FAM167A: variants seen among roughly 807,000 people sequenced by gnomAD.
FAM167A encodes the protein family with sequence similarity 167 member A, also known as protein FAM167A.
A neutral mutation model predicts 14.9 loss-of-function variants in FAM167A; 23 were observed. The observed-to-expected ratio is 1.55, with a 90% CI of 1.11 to 2.19. The LOEUF (loss-of-function observed/expected upper bound fraction) is 2.19. FAM167A is among the 30% of genes most tolerant of loss of function. The pLI is 0.00. For synonymous variants in FAM167A, 174 were observed against 117.7 expected (o/e 1.48, Z -3.10); for missense variants, 401 against 281.5 (o/e 1.42, Z -3.04).
chr8:11,430,477 T>C (rs751833319), intron 2 of FAM167A, among the ~76,000 whole-genome samples: 1 of 152,182 alleles, frequency 6.6e-6, no homozygotes. Context: ...AAATTATACG[T>C]GATGATGGTT....
chr8:11,454,979 C>G (rs1251977279), intron 1 of FAM167A, among the ~76,000 whole-genome samples: 1 of 151,126 alleles, frequency 6.6e-6, no homozygotes, highest in South Asian at 2.1e-4. Flanking sequence ...GCTGTCTAGC[C>G]CTGGCGCTCA....
intron 1 of FAM167A, among the ~76,000 whole-genome samples, chr8:11,448,941 T>C (rs1400170711): frequency 6.6e-6 from 1 of 152,242 alleles, no homozygotes; most frequent in Admixed American, 6.5e-5. Flanking sequence ...GTGAGAGCTC[T>C]CTTTAAACTG....
At chr8:11,443,902 C>G in intron 2 of FAM167A, 129 bp downstream of exon 2, 1 of 1,195,242 alleles carries the variant, frequency 8.4e-7, no homozygotes, top group Non-Finnish European at 1.2e-6. Context: ...CAGATGTGCA[C>G]TTGGGGGTTA....
intron 1 of FAM167A, among the ~76,000 whole-genome samples, chr8:11,474,948 G>C (rs1797821089): frequency 6.6e-6 from 1 of 152,054 alleles, no homozygotes; most frequent in Non-Finnish European, 1.5e-5. Flanking sequence ...AAAAGGAAGG[G>C]AAGAGAGAAA....
chr8:11,462,808 C>A (rs539698415), intron 1 of FAM167A, among the ~76,000 whole-genome samples: 45 of 152,342 alleles, frequency 3.0e-4, no homozygotes, highest in Non-Finnish European at 5.3e-4. Context: ...CCAGAGGCAG[C>A]AGGGACAGGC....
At chr8:11,463,088 T>A in intron 1 of FAM167A, among the ~76,000 whole-genome samples, 1 of 152,070 alleles carries the variant, frequency 6.6e-6, no homozygotes, top group East Asian at 1.9e-4. Context: ...TTGTTTCAGG[T>A]AAATATTTGT....
intron 2 of FAM167A, chr8:11,434,181 C>T (rs751528670): frequency 1.3e-5 from 2 of 152,240 alleles, no homozygotes. Flanking sequence ...GAGTTTCTTT[C>T]CCAGAGGTCT....
At chr8:11,456,039 T>C (rs868334833) in intron 1 of FAM167A, among the ~76,000 whole-genome samples, 1,659 of 105,718 alleles carry the variant, frequency 0.016, 46 homozygotes, top group African/African-American at 0.058. Flanking sequence ...GGTATGAGTG[T>C]GAGTGTGGGG....
At chr8:11,471,688 G>A (rs1807965035), upstream of FAM167A, among the ~76,000 whole-genome samples, 1 of 152,182 alleles carries the variant, frequency 6.6e-6, no homozygotes, top group Non-Finnish European at 1.5e-5. Flanking sequence ...GGGTTTTAGA[G>A]AACCCTGCCC....
chr8:11,465,047 G>C (rs1807702335), intron 1 of FAM167A, among the ~76,000 whole-genome samples: 1 of 152,180 alleles, frequency 6.6e-6, no homozygotes, highest in Non-Finnish European at 1.5e-5. Flanking sequence ...GCAAGGAGGA[G>C]AACAGGGTGT....
intron 1 of FAM167A, among the ~76,000 whole-genome samples, chr8:11,449,611 T>TA (rs1473391060): frequency 6.6e-6 from 1 of 152,154 alleles, no homozygotes; most frequent in African/African-American, 2.4e-5. Flanking sequence ...AAAAACGACA[T>TA]CAGACCCTGT....
intron 2 of FAM167A, among the ~76,000 whole-genome samples, chr8:11,432,004 G>C (rs886151139): frequency 1.3e-5 from 2 of 151,886 alleles, no homozygotes; most frequent in Non-Finnish European, 2.9e-5. Context: ...CCTGGCAAAG[G>C]CTAGTCTAAC....
chr8:11,475,908 C>T (rs770571138), exon 1 of FAM167A, among the ~76,000 whole-genome samples: 1 of 152,190 alleles, frequency 6.6e-6, no homozygotes, highest in African/African-American at 2.4e-5. Flanking sequence ...CAGTAGACTA[C>T]GAGTCCTATG....
At chr8:11,435,991 G>C (rs899922259) in intron 2 of FAM167A, among the ~76,000 whole-genome samples, 4 of 152,134 alleles carry the variant, frequency 2.6e-5, no homozygotes. Context: ...CCAGCTCCTG[G>C]GTGCCGGGTC....
At position 11,424,304 on chromosome 8, in the gene FAM167A, T is replaced by C; in HGVS notation, c.*69A>G. ...GGAGACCCACTGGAGTAACTTGGCC[T>C]CAGCTTCCTCTGACACCCCTCCAGC... is the stretch of plus-strand genomic sequence containing the variant. On this transcript the variant is annotated 3_prime_UTR_variant, in exon 3 of 3. Coordinates refer to ENST00000284486, the MANE Select transcript of FAM167A (RefSeq NM_053279.3). The C allele has an allele frequency of 3.1e-6, 5 of 1,591,968 alleles. No individual in the cohort carries two copies. The highest frequency in any genetic ancestry group is 4.3e-6 in the Non-Finnish European group (5 of 1,167,136).
chr8:11,450,153 T>A (rs1484345502), intron 1 of FAM167A, among the ~76,000 whole-genome samples: 5 of 152,190 alleles, frequency 3.3e-5, no homozygotes, highest in Non-Finnish European at 7.3e-5. Context: ...CAAGCTTTCC[T>A]CCAGCCTGGA....
At chr8:11,448,935 G>A (rs4840560) in intron 1 of FAM167A, among the ~76,000 whole-genome samples, 74,563 of 152,084 alleles carry the variant, frequency 0.49, 18,700 homozygotes, top group East Asian at 0.66. Context: ...TGGTATGTGA[G>A]AGCTCTCTTT....
chr8:11,427,515 TTAGAAAAA>T (rs1292158671), intron 2 of FAM167A, among the ~76,000 whole-genome samples: 1 of 152,196 alleles, frequency 6.6e-6, no homozygotes, highest in Non-Finnish European at 1.5e-5. Flanking sequence ...GCCAAACTGA[TTAGAAAAA>T]TGAGCCCTGA....
chr8:11,444,756 A>G lies in FAM167A; in HGVS notation c.-345T>C. 1 of 1,038,892 alleles carries G rather than the reference A, an allele frequency of 9.6e-7. No individual in the cohort carries two copies. The highest frequency in any genetic ancestry group is 1.2e-6 in the Non-Finnish European group (1 of 864,760). 64.4% of individuals were successfully genotyped at this position (1,038,892 alleles called of 1,614,324 possible). On this transcript the variant is annotated 5_prime_UTR_variant, in exon 2 of 3. Transcript: ENST00000284486. Reference sequence around the variant, plus strand: ...GAACGCACTCGAAGACCAGACTGGCAGGAAGAAGGCCCAGAGCTCTCTCTT... The same window carrying G: ...GAACGCACTCGAAGACCAGACTGGCGGGAAGAAGGCCCAGAGCTCTCTCTT...
Sources: gnomAD v4.1 joint callset for allele counts (sites outside exome capture counted in the v4.1 genomes callset) on GRCh38, gnomAD v4.1.1 for gene constraint, MANE v1.5 for transcripts, NCBI Gene and HGNC (gene_info 2026-07-23, HGNC 2026-07-21) for gene names.